The following AGBL1 variants were observed in gnomAD, a reference collection of about 807,000 sequenced individuals.
AGBL1 encodes the protein AGBL carboxypeptidase 1.
AGBL1 carries 130 observed loss-of-function variants against 118.9 expected under a neutral mutation model. That is an observed-to-expected ratio of 1.09 (90% CI 0.95 to 1.26). The LOEUF is 1.26. AGBL1 is among the 50% of genes most tolerant of loss of function. The pLI, the probability that AGBL1 is intolerant of heterozygous loss-of-function variation, is 0.00. For missense variants in AGBL1, 1,584 were observed against 1,298.1 expected (o/e 1.22, Z -3.38); for synonymous variants, 555 against 478.9 (o/e 1.16, Z -2.08).
chr15:86,944,741 T>C (rs2080796515), intron 23 of AGBL1, among the ~76,000 whole-genome samples: 1 of 152,214 alleles, frequency 6.6e-6, no homozygotes, highest in Non-Finnish European at 1.5e-5. Context: ...GAATATGTAT[T>C]TCACATTAGA....
At chr15:86,768,947 G>A (rs2078133292) in intron 22 of AGBL1, among the ~76,000 whole-genome samples, 1 of 151,796 alleles carries the variant, frequency 6.6e-6, no homozygotes, top group East Asian at 1.9e-4. Context: ...CACTGTAAAG[G>A]GTGTGAGGTT....
At chr15:86,942,833 T>C (rs899933937) in intron 23 of AGBL1, among the ~76,000 whole-genome samples, 1 of 152,242 alleles carries the variant, frequency 6.6e-6, no homozygotes, top group African/African-American at 2.4e-5. Flanking sequence ...TACTGAGTTC[T>C]TGTCTTTCTT....
At chr15:86,849,500 G>T (rs2079370537) in intron 22 of AGBL1, among the ~76,000 whole-genome samples, 1 of 139,346 alleles carries the variant, frequency 7.2e-6, no homozygotes, top group Non-Finnish European at 1.6e-5. Flanking sequence ...TAAGGTGATG[G>T]CTTTCTTTCT....
At chr15:86,552,311 C>T (rs1288089755) in intron 20 of AGBL1, among the ~76,000 whole-genome samples, 2 of 151,730 alleles carry the variant, frequency 1.3e-5, no homozygotes, top group African/African-American at 2.4e-5. Context: ...TAAATAAAGC[C>T]TTTTTATTTT....
chr15:86,914,328 T>A lies in AGBL1; in HGVS notation c.*7034T>A, dbSNP rs2080392436. On this transcript the variant is annotated 3_prime_UTR_variant, in exon 23 of 23. Coordinates refer to ENST00000614907, the MANE Select transcript of AGBL1 (RefSeq NM_001386094.1). ...CTGTGTTTCTGCTCTGCTCAGACAA[T>A]CACATAAGTGACTCATTTCACTCTC... 3 of 152,174 alleles carry A rather than the reference T, an allele frequency of 2.0e-5. No individual in the cohort carries two copies. Among genetic ancestry groups the A allele is most frequent in the Admixed American group, 1.3e-4 (2 of 15,276 alleles). 9.4% of individuals were successfully genotyped at this position (152,174 alleles called of 1,614,324 possible). A position where few individuals can be genotyped will look rare whatever the true frequency, so the allele number is the denominator to read the frequency against.
chr15:86,629,419 G>C (rs2084932986), intron 21 of AGBL1, among the ~76,000 whole-genome samples: 1 of 152,074 alleles, frequency 6.6e-6, no homozygotes, highest in African/African-American at 2.4e-5. Flanking sequence ...CTGCATATCG[G>C]TCAGTCAGTT....
chr15:86,642,619 TTAAA>T (rs537478220), intron 21 of AGBL1, among the ~76,000 whole-genome samples: 1 of 103,620 alleles, frequency 9.7e-6, no homozygotes, highest in East Asian at 2.3e-4. Context: ...TTTTTACTTA[TTAAA>T]TAATATTTAA....
chr15:86,506,252 G>T (rs2082975330), intron 18 of AGBL1, among the ~76,000 whole-genome samples: 1 of 151,954 alleles, frequency 6.6e-6, no homozygotes, highest in Non-Finnish European at 1.5e-5. Flanking sequence ...ACATAGCCCT[G>T]AGTGTACATA....
At chr15:86,177,742 GAATGA>G (rs1490695148) in intron 5 of AGBL1, among the ~76,000 whole-genome samples, 1 of 152,156 alleles carries the variant, frequency 6.6e-6, no homozygotes, top group Non-Finnish European at 1.5e-5. Flanking sequence ...ATCTTGAACT[GAATGA>G]AATGAGTATA....
Position 86,914,430 on chromosome 15 carries a change from C to T in AGBL1, c.*7136C>T, listed in dbSNP as rs756387499. The T allele has an allele frequency of 5.3e-5, 8 of 152,256 alleles. No individual in the cohort carries two copies. The highest frequency in any genetic ancestry group is 2.1e-4 in the South Asian group (1 of 4,822). The allele number at this position is 152,256 out of a possible 1,614,324, so 9.4% of individuals were successfully genotyped here. On this transcript the variant is annotated 3_prime_UTR_variant, in exon 23 of 23. Transcript: ENST00000614907. ...AAGTGCACCCATACTTAAAGAGACACGTTTAGTAAATGATAGAGCTGGAAT... is the reference window on the plus strand; with the variant it reads ...AAGTGCACCCATACTTAAAGAGACATGTTTAGTAAATGATAGAGCTGGAAT...
intron 21 of AGBL1, among the ~76,000 whole-genome samples, chr15:86,657,484 T>C (rs1192548197): frequency 6.6e-6 from 1 of 152,172 alleles, no homozygotes; most frequent in Non-Finnish European, 1.5e-5. Context: ...ACTCTGTGTG[T>C]GTTTGTATGT....
Position 86,269,972 on chromosome 15 carries a change from A to G in AGBL1, c.1892A>G (p.Gln631Arg). ...GATGTGAATAGCACCCAGCACCAGC[A>G]GTGGTTCTATTTCAAAGTGAGCGGT... ...NADVNSTQHQ[Q>R]WFYFKVSGMQ... The change falls in exon 14 of 23, where the codon CAG (glutamine) becomes CGG (arginine). Residue 631 changes from glutamine to arginine, a missense_variant. Coordinates refer to ENST00000614907, the MANE Select transcript of AGBL1 (RefSeq NM_001386094.1). The G allele has an allele frequency of 6.2e-7, 1 of 1,613,952 alleles. No homozygotes were observed. Among genetic ancestry groups the G allele is most frequent in the Non-Finnish European group, 8.5e-7 (1 of 1,179,864 alleles).
At chr15:86,503,931 T>C (rs2082945663) in intron 18 of AGBL1, among the ~76,000 whole-genome samples, 1 of 151,666 alleles carries the variant, frequency 6.6e-6, no homozygotes, top group African/African-American at 2.4e-5. Context: ...TAGATGTCTG[T>C]TAATCTACTT....
rs74751712 is a variant in AGBL1 at position 86,731,454 on chromosome 15, G to A, written c.3158+57018G>A. Among the ~76,000 whole-genome samples the A allele has an allele frequency of 6.1e-3, 935 of 152,218 alleles. 11 individuals are homozygous for A. Among genetic ancestry groups the A allele is most frequent in the African/African-American group, 0.021 (886 of 41,540 alleles). On this transcript the variant is annotated intron_variant, in intron 22 of 22. Coordinates refer to ENST00000614907, the MANE Select transcript of AGBL1 (RefSeq NM_001386094.1). The stretch of plus-strand genomic sequence containing the variant: ...CTGCGATCTTTCTGCTTTTTATATT[G>A]TCACCAACAATAAATATTCTGCAGT...
At chr15:86,347,256 C>A (rs1242854951) in intron 17 of AGBL1, among the ~76,000 whole-genome samples, 1 of 152,168 alleles carries the variant, frequency 6.6e-6, no homozygotes, top group East Asian at 1.9e-4. Flanking sequence ...TTACAACACC[C>A]ATCTTACTAA....
At chr15:86,694,486 A>G (rs2086222443) in intron 22 of AGBL1, among the ~76,000 whole-genome samples, 2 of 152,006 alleles carry the variant, frequency 1.3e-5, no homozygotes, top group Admixed American at 1.3e-4. Flanking sequence ...TAGTTCTAGG[A>G]GCTTTTTGAT....
intron 21 of AGBL1, among the ~76,000 whole-genome samples, chr15:86,646,066 T>C (rs1309208436): frequency 6.6e-6 from 1 of 152,044 alleles, no homozygotes; most frequent in Non-Finnish European, 1.5e-5. Context: ...AGGTTGGGAG[T>C]GTATCTTGGC....
intron 18 of AGBL1, among the ~76,000 whole-genome samples, chr15:86,488,693 A>G (rs959555795): frequency 6.6e-6 from 1 of 151,772 alleles, no homozygotes; most frequent in Non-Finnish European, 1.5e-5. Flanking sequence ...CCCTACATAT[A>G]TACATACCTG....
At chr15:86,894,602 C>A (rs191423879) in intron 22 of AGBL1, among the ~76,000 whole-genome samples, 4 of 152,234 alleles carry the variant, frequency 2.6e-5, no homozygotes, top group African/African-American at 9.6e-5. Context: ...CTGGAATGAG[C>A]AAACAGTTAA....
Sources: allele counts gnomAD v4.1 joint callset (sites outside exome capture counted in the v4.1 genomes callset), GRCh38; gene constraint gnomAD v4.1.1; transcripts MANE v1.5; gene names NCBI Gene and HGNC (gene_info 2026-07-23, HGNC 2026-07-21).